The following NLK variants were observed in gnomAD, a reference collection of about 807,000 sequenced individuals.
The protein encoded by NLK is nemo like kinase, also known as serine/threonine-protein kinase NLK.
In NLK, 11 loss-of-function variants were observed where a neutral mutation model predicts 59.0. That is an observed-to-expected ratio of 0.19 (90% CI 0.12 to 0.31). The LOEUF (loss-of-function observed/expected upper bound fraction) is 0.31. NLK is among the 10% of genes least tolerant of loss of function. The pLI, the probability that NLK is intolerant of heterozygous loss-of-function variation, is 1.00. For synonymous variants in NLK, 235 were observed against 235.9 expected, an observed-to-expected ratio of 1.00 and a Z score of 0.03; for missense variants, 410 against 661.1, an observed-to-expected ratio of 0.62 and a Z score of 4.16.
chr17:28,174,107 C>T (rs1908580084), intron 7 of NLK, among the ~76,000 whole-genome samples: 1 of 152,176 alleles, frequency 6.6e-6, no homozygotes, highest in South Asian at 2.1e-4. Flanking sequence ...CACCAAAAGT[C>T]ACTGTGCACT....
intron 6 of NLK, among the ~76,000 whole-genome samples, chr17:28,170,840 A>T (rs1016530893): frequency 3.3e-5 from 5 of 152,226 alleles, no homozygotes; most frequent in Admixed American, 1.3e-4. Flanking sequence ...AGAGAAATAC[A>T]TAGATCTTCA....
chr17:28,142,705 TG>T (rs1907058016), intron 3 of NLK, among the ~76,000 whole-genome samples: 1 of 152,074 alleles, frequency 6.6e-6, no homozygotes. Context: ...TTCCTTCCCC[TG>T]TGCACCTGAT....
rs923487613 is a variant in NLK, at chr17:28,194,611, C to T, written c.1559C>T (p.Pro520Leu). Residue 520 changes from proline to leucine, a missense_variant, in exon 11 of 11, where the codon CCC (proline) becomes CTC (leucine). Pro to Leu is a moderately conservative substitution (Grantham distance 98). Around this residue, in one of 5 missense-constraint regions of NLK, gnomAD observed 25 missense variants for 29.7 expected, o/e 0.84. Transcript: ENST00000407008. ...ACTGTTGCTCAGCCATCTGAGATGC[C>T]CCCATCTCCTCTGGTGTGGGAGTGA... Reference protein sequence around the residue: ...SSTVAQPSEMPPSPLVWE With the variant: ...SSTVAQPSEMLPSPLVWE 6.3e-7 allele frequency: 1 copy of T among 1,597,838 alleles called. No homozygotes were observed. The highest frequency in any genetic ancestry group is 8.6e-7 in the Non-Finnish European group (1 of 1,167,740).
intron 8 of NLK, 144 bp from the exon 9 acceptor site, chr17:28,190,877 A>G (rs1325242144): frequency 1.4e-5 from 8 of 578,104 alleles, no homozygotes; most frequent in Non-Finnish European, 2.4e-5. Flanking sequence ...ACCCACCTCT[A>G]AATTCAATTA....
chr17:28,075,228 T>G (rs534467846), intron 1 of NLK, among the ~76,000 whole-genome samples: 1 of 152,318 alleles, frequency 6.6e-6, no homozygotes, highest in Non-Finnish European at 1.5e-5. Flanking sequence ...GGACAACTGA[T>G]TGATGTTATT....
chr17:28,149,971 C>T (rs1403714343), intron 3 of NLK, among the ~76,000 whole-genome samples: 1 of 152,140 alleles, frequency 6.6e-6, no homozygotes. Flanking sequence ...CTGGTTTTTG[C>T]AGCATTCGAG....
intron 1 of NLK, among the ~76,000 whole-genome samples, chr17:28,099,371 A>G (rs781208896): frequency 4.6e-5 from 7 of 152,100 alleles, no homozygotes; most frequent in East Asian, 1.9e-4. Flanking sequence ...CCCCACCACA[A>G]TCAGAACGTT....
chr17:28,083,730 G>A (rs530244687), intron 1 of NLK, among the ~76,000 whole-genome samples: 1 of 152,226 alleles, frequency 6.6e-6, no homozygotes, highest in Non-Finnish European at 1.5e-5. Context: ...CATAAGTCTT[G>A]TGAACATTGT....
At chr17:28,197,728 G>GTT (rs35405689), downstream of NLK, among the ~76,000 whole-genome samples, 303 of 149,346 alleles carry the variant, frequency 2.0e-3, 1 homozygote, top group African/African-American at 7.0e-3. Flanking sequence ...TAGAATTTTT[G>GTT]TTTTTTTTTG....
chr17:28,156,197 A>G (rs535949838), intron 3 of NLK, among the ~76,000 whole-genome samples: 19 of 152,238 alleles, frequency 1.2e-4, no homozygotes, highest in Admixed American at 1.2e-3. Flanking sequence ...TAACTTGCGT[A>G]CCTCATGCTC....
intron 2 of NLK, among the ~76,000 whole-genome samples, chr17:28,123,611 T>C (rs1311254575): frequency 6.6e-6 from 1 of 152,242 alleles, no homozygotes. Context: ...TTTATTTTTA[T>C]CTCAATATTT....
In NLK at chr17:28,108,608, T is replaced by C. The variant is rs577035143; in HGVS notation, c.459-13995T>C. On this transcript the variant is annotated intron_variant, in intron 1 of 10. Transcript: ENST00000407008. ...GCAACAAATATATACCTGTTTACAGTGACACACATAAAATACTTTAACATA... is the reference window on the plus strand; with the variant it reads ...GCAACAAATATATACCTGTTTACAGCGACACACATAAAATACTTTAACATA... Among the ~76,000 whole-genome samples, 3 of 152,306 alleles carry C rather than the reference T, an allele frequency of 2.0e-5. No homozygotes were observed. The South Asian group carries it at 6.2e-4, about 32-fold the overall frequency.
At chr17:28,124,117 C>A (rs757068114) in intron 2 of NLK, among the ~76,000 whole-genome samples, 6 of 152,208 alleles carry the variant, frequency 3.9e-5, no homozygotes, top group Non-Finnish European at 8.8e-5. Flanking sequence ...TGACATATTT[C>A]ATTTTAATGA....
chr17:28,069,473 C>T (rs1393314743), intron 1 of NLK, among the ~76,000 whole-genome samples: 3 of 152,184 alleles, frequency 2.0e-5, no homozygotes, highest in East Asian at 3.8e-4. Context: ...AGCAGTTTTC[C>T]AAAGTGGCTT....
chr17:28,165,516 G>A (rs758474260), intron 5 of NLK, among the ~76,000 whole-genome samples: 3 of 152,126 alleles, frequency 2.0e-5, no homozygotes, highest in Non-Finnish European at 2.9e-5. Flanking sequence ...TAGAGTCTAG[G>A]CTATAGACAC....
intron 4 of NLK, among the ~76,000 whole-genome samples, chr17:28,162,396 G>A (rs1391155225): frequency 6.6e-6 from 1 of 152,082 alleles, no homozygotes; most frequent in Non-Finnish European, 1.5e-5. Flanking sequence ...GCTTTGGGAT[G>A]CTGAGGCGGG....
intron 3 of NLK, among the ~76,000 whole-genome samples, chr17:28,145,052 TATTGA>T (rs1907187177): frequency 6.6e-6 from 1 of 152,220 alleles, no homozygotes; most frequent in East Asian, 1.9e-4. Flanking sequence ...TAATCAAAAA[TATTGA>T]ATTGTATCTT....
At chr17:28,172,430 G>T in intron 6 of NLK, 87 bp from the exon 7 acceptor site, 1 of 742,144 alleles carries the variant, frequency 1.3e-6, no homozygotes, top group Non-Finnish European at 1.9e-6. Flanking sequence ...CCCCAGATTT[G>T]GTCCACTTCT....
At chr17:28,185,286 T>A in intron 8 of NLK, 21 bp downstream of exon 8, 2 of 1,419,204 alleles carry the variant, frequency 1.4e-6, no homozygotes, top group Middle Eastern at 1.8e-4. Flanking sequence ...TTTTTTTTTA[T>A]ATATTTTTAA....
Sources: allele counts gnomAD v4.1 joint callset (sites outside exome capture counted in the v4.1 genomes callset), GRCh38; gene constraint gnomAD v4.1.1; regional missense constraint gnomAD v4.1.1; transcripts MANE v1.5; gene names NCBI Gene and HGNC (gene_info 2026-07-23, HGNC 2026-07-21).